The following STXBP5L variants were observed in gnomAD, a reference collection of about 807,000 sequenced individuals.
STXBP5L encodes syntaxin-binding protein 5-like.
Under a neutral mutation model 144.5 loss-of-function variants are expected in STXBP5L, and 65 were observed. The observed-to-expected ratio is 0.45, with a 90% confidence interval of 0.37 to 0.55. The LOEUF is 0.55. Among genes scored for constraint, STXBP5L ranks in the 20% least tolerant of loss-of-function variants. The pLI is 0.00. For missense variants in STXBP5L, 1,298 were observed against 1,405.5 expected (o/e 0.92, Z 1.22); for synonymous variants, 505 against 469.6 (o/e 1.08, Z -0.97).
chr3:121,051,413 G>C (rs1422803834), intron 5 of STXBP5L, among the ~76,000 whole-genome samples: 1 of 152,124 alleles, frequency 6.6e-6, no homozygotes, highest in Non-Finnish European at 1.5e-5. Context: ...AATCAAACTA[G>C]AAGTCAGGAT....
At chr3:120,978,007 A>T (rs370558517) in intron 3 of STXBP5L, among the ~76,000 whole-genome samples, 13 of 152,194 alleles carry the variant, frequency 8.5e-5, no homozygotes, top group African/African-American at 3.1e-4. Flanking sequence ...TTTGGTGAAT[A>T]TGACAATTAT....
intron 5 of STXBP5L, among the ~76,000 whole-genome samples, chr3:121,083,379 T>C (rs2042340411): frequency 6.6e-6 from 1 of 152,102 alleles, no homozygotes; most frequent in African/African-American, 2.4e-5. Flanking sequence ...TTGGTATCAA[T>C]TGTTGGGTGC....
At chr3:121,045,596 T>G in intron 5 of STXBP5L, 61 bp downstream of exon 5, 1 of 1,464,252 alleles carries the variant, frequency 6.8e-7, no homozygotes, top group East Asian at 2.3e-5. Context: ...CTGAGCAAGT[T>G]TTTGTTAACT....
chr3:121,075,079 G>T (rs2107673622), intron 5 of STXBP5L, among the ~76,000 whole-genome samples: 2 of 152,222 alleles, frequency 1.3e-5, no homozygotes, highest in Middle Eastern at 6.8e-3. Context: ...GTGGAACCCA[G>T]TCTGTCTCAG....
chr3:120,958,460 T>G (rs115771849), intron 3 of STXBP5L, among the ~76,000 whole-genome samples: 6,051 of 151,998 alleles, frequency 0.04, 170 homozygotes, highest in Middle Eastern at 0.082. Flanking sequence ...AACAAAAAAA[T>G]AGAATTTTAG....
intron 18 of STXBP5L, among the ~76,000 whole-genome samples, chr3:121,273,732 A>G: frequency 6.6e-6 from 1 of 151,388 alleles, no homozygotes. Flanking sequence ...TTCTATTCTT[A>G]TCTATTTTTT....
At chr3:121,191,336 G>T (rs1180687526) in intron 9 of STXBP5L, among the ~76,000 whole-genome samples, 2 of 152,204 alleles carry the variant, frequency 1.3e-5, no homozygotes, top group Non-Finnish European at 2.9e-5. Flanking sequence ...TCAGGAGCTG[G>T]AGACCAGCCC....
At chr3:120,951,203 G>A (rs2107686392) in intron 2 of STXBP5L, among the ~76,000 whole-genome samples, 1 of 152,236 alleles carries the variant, frequency 6.6e-6, no homozygotes, top group South Asian at 2.1e-4. Flanking sequence ...AAAAACCGTA[G>A]AAGAAAACCT....
intron 6 of STXBP5L, 148 bp from the exon 7 acceptor site, chr3:121,121,493 A>G (rs2044461934): frequency 2.1e-6 from 1 of 481,762 alleles, no homozygotes; most frequent in Admixed American, 3.6e-5. Context: ...GGACTGGTAA[A>G]GTAAATAAAA....
chr3:121,332,836 A>G (rs1397545068), intron 20 of STXBP5L, among the ~76,000 whole-genome samples: 1 of 151,662 alleles, frequency 6.6e-6, no homozygotes, highest in Non-Finnish European at 1.5e-5. Context: ...TTTAAAGTCA[A>G]AGTGAAGTAA....
chr3:121,179,094 C>T (rs2047043449), intron 9 of STXBP5L, among the ~76,000 whole-genome samples: 1 of 151,684 alleles, frequency 6.6e-6, no homozygotes, highest in South Asian at 2.1e-4. Context: ...GGGGCAGGTG[C>T]TCACCAAAGG....
At chr3:121,339,918 A>G (rs1467409316) in intron 20 of STXBP5L, among the ~76,000 whole-genome samples, 1 of 152,160 alleles carries the variant, frequency 6.6e-6, no homozygotes. Flanking sequence ...ATACAAACAA[A>G]TGGAAATACG....
At chr3:121,370,080 T>C (rs1236327758) in intron 20 of STXBP5L, among the ~76,000 whole-genome samples, 1 of 152,080 alleles carries the variant, frequency 6.6e-6, no homozygotes, top group Admixed American at 6.6e-5. Flanking sequence ...TAAAAGTGGG[T>C]AGTGGCTAGG....
chr3:121,156,464 A>G (rs1024414199), intron 8 of STXBP5L, among the ~76,000 whole-genome samples: 1 of 151,980 alleles, frequency 6.6e-6, no homozygotes, highest in Non-Finnish European at 1.5e-5. Flanking sequence ...AATTTTTCTT[A>G]TAGTACTTAG....
chr3:121,221,464 GTAGT>G (rs1379793821), intron 10 of STXBP5L, among the ~76,000 whole-genome samples: 1 of 151,468 alleles, frequency 6.6e-6, no homozygotes, highest in Non-Finnish European at 1.5e-5. Context: ...TTAATAGTAG[GTAGT>G]TAAGCTTAAT....
intron 5 of STXBP5L, among the ~76,000 whole-genome samples, chr3:121,058,992 C>G (rs1385513562): frequency 6.6e-6 from 1 of 152,110 alleles, no homozygotes; most frequent in East Asian, 1.9e-4. Flanking sequence ...TCCCATTTGT[C>G]AATTTTGCCT....
chr3:121,123,476 C>T (rs923117239), intron 7 of STXBP5L, among the ~76,000 whole-genome samples: 2 of 151,294 alleles, frequency 1.3e-5, no homozygotes, highest in Admixed American at 1.3e-4. Context: ...CTTTAAGACG[C>T]ATTTTTTAAA....
intron 2 of STXBP5L, among the ~76,000 whole-genome samples, chr3:120,943,224 C>A (rs1295476213): frequency 6.6e-6 from 1 of 151,614 alleles, no homozygotes; most frequent in Admixed American, 6.6e-5. Context: ...ATCAGAATTA[C>A]AGATTCCTTA....
chr3:121,000,530 A>G (rs574628015), intron 3 of STXBP5L, among the ~76,000 whole-genome samples: 84 of 152,078 alleles, frequency 5.5e-4, no homozygotes, highest in Middle Eastern at 3.4e-3. Context: ...GATTTCTTAG[A>G]TTTCTTTTGT....
Sources: gnomAD v4.1 joint callset for allele counts (sites outside exome capture counted in the v4.1 genomes callset) on GRCh38, gnomAD v4.1.1 for gene constraint, MANE v1.5 for transcripts, NCBI Gene and HGNC (gene_info 2026-07-23, HGNC 2026-07-21) for gene names.